Variants in CTNNA2 observed in about 807,000 individuals in gnomAD.
CTNNA2 encodes the protein catenin alpha 2.
A neutral mutation model predicts 101.0 loss-of-function variants in CTNNA2; 42 were observed. The observed-to-expected ratio is 0.42, with a 90% CI of 0.32 to 0.54. The LOEUF (loss-of-function observed/expected upper bound fraction) is 0.54, where lower values mean the gene tolerates loss of function less well. Ranked by LOEUF, CTNNA2 falls within the 20% of genes least tolerant of loss-of-function variation. The pLI, the probability that CTNNA2 is intolerant of heterozygous loss-of-function variation, is 0.14. For missense variants in CTNNA2, 871 were observed against 1,223.1 expected, an observed-to-expected ratio of 0.71 and a Z score of 4.29; for synonymous variants, 450 against 456.4, an observed-to-expected ratio of 0.99 and a Z score of 0.18.
At chr2:79,761,323 A>G (rs894632705) in intron 3 of CTNNA2, among the ~76,000 whole-genome samples, 4 of 152,188 alleles carry the variant, frequency 2.6e-5, no homozygotes, top group Non-Finnish European at 5.9e-5. Context: ...AACAGTTTTA[A>G]CAACCCAAGG....
chr2:79,734,437 G>A (rs1231171275), intron 2 of CTNNA2, among the ~76,000 whole-genome samples: 1 of 152,016 alleles, frequency 6.6e-6, no homozygotes, highest in Non-Finnish European at 1.5e-5. Flanking sequence ...GAAAAATTAA[G>A]TTCTATCAAA....
intron 1 of CTNNA2, among the ~76,000 whole-genome samples, chr2:79,525,291 A>T (rs1672342277): frequency 6.6e-6 from 1 of 151,940 alleles, no homozygotes; most frequent in Admixed American, 6.6e-5. Context: ...ACCTGAGAGG[A>T]AGCTTAACAT....
chr2:79,477,622 C>T (rs1440597876), intron 4 of CTNNA2, among the ~76,000 whole-genome samples: 3 of 152,174 alleles, frequency 2.0e-5, no homozygotes, highest in Non-Finnish European at 4.4e-5. Context: ...TTTTCTGTCT[C>T]ACAGCTCAAT....
intron 7 of CTNNA2, among the ~76,000 whole-genome samples, chr2:80,392,563 A>G (rs1677614165): frequency 6.6e-6 from 1 of 152,106 alleles, no homozygotes; most frequent in Non-Finnish European, 1.5e-5. Context: ...TGAACAATTT[A>G]TTAAAGAACA....
intron 7 of CTNNA2, among the ~76,000 whole-genome samples, chr2:79,989,008 A>G (rs74730514): frequency 0.02 from 3,084 of 152,272 alleles, 106 homozygotes; most frequent in African/African-American, 0.07. Context: ...TGTTTGGTTA[A>G]TGTCTGATGG....
At chr2:79,675,065 G>C (rs532065494) in intron 2 of CTNNA2, among the ~76,000 whole-genome samples, 4 of 152,256 alleles carry the variant, frequency 2.6e-5, no homozygotes, top group African/African-American at 9.6e-5. Context: ...ATCAGTGAAT[G>C]CTTTTTAGTT....
chr2:80,479,465 A>C (rs764583176), intron 9 of CTNNA2, among the ~76,000 whole-genome samples: 5 of 152,158 alleles, frequency 3.3e-5, no homozygotes, highest in Non-Finnish European at 7.4e-5. Context: ...GACAAACCCT[A>C]TGGGGAACAG....
chr2:80,333,647 T>TG (rs924866882), intron 7 of CTNNA2, among the ~76,000 whole-genome samples: 9 of 151,358 alleles, frequency 5.9e-5, no homozygotes, highest in Admixed American at 3.9e-4. Context: ...GGGGAGGTGG[T>TG]GGGGGGGATG....
intron 7 of CTNNA2, among the ~76,000 whole-genome samples, chr2:80,310,930 G>A (rs962488333): frequency 1.1e-4 from 16 of 145,534 alleles, no homozygotes; most frequent in Non-Finnish European, 1.2e-4. Context: ...CTGAGATCGC[G>A]CTACTGCACT....
At chr2:80,249,494 T>C (rs1407536538) in intron 7 of CTNNA2, among the ~76,000 whole-genome samples, 1 of 152,234 alleles carries the variant, frequency 6.6e-6, no homozygotes, top group East Asian at 1.9e-4. Flanking sequence ...TTATTGAGCA[T>C]GTACTTTGTG....
At chr2:79,598,456 C>A (rs1229646838) in intron 1 of CTNNA2, among the ~76,000 whole-genome samples, 1 of 152,246 alleles carries the variant, frequency 6.6e-6, no homozygotes, top group African/African-American at 2.4e-5. Flanking sequence ...TGTTGCTCCA[C>A]ATCCTCGCCA....
At chr2:80,394,505 T>G (rs760649366) in intron 8 of CTNNA2, among the ~76,000 whole-genome samples, 8 of 152,212 alleles carry the variant, frequency 5.3e-5, no homozygotes, top group Non-Finnish European at 1.0e-4. Flanking sequence ...CATTGTCCTT[T>G]TAGGTATTAG....
chr2:79,484,542 A>C (rs1671140146), intron 4 of CTNNA2, among the ~76,000 whole-genome samples: 1 of 152,166 alleles, frequency 6.6e-6, no homozygotes, highest in Admixed American at 6.5e-5. Context: ...TTCTGGTTTC[A>C]ACATGGTTGG....
intron 3 of CTNNA2, among the ~76,000 whole-genome samples, chr2:79,799,650 A>G (rs767420265): frequency 2.0e-5 from 3 of 152,132 alleles, no homozygotes; most frequent in Non-Finnish European, 4.4e-5. Flanking sequence ...GAGCAAAAAG[A>G]GCTATTACCG....
chr2:80,202,798 T>A (rs1707286708), intron 7 of CTNNA2, among the ~76,000 whole-genome samples: 1 of 151,802 alleles, frequency 6.6e-6, no homozygotes, highest in Non-Finnish European at 1.5e-5. Flanking sequence ...TTTTAAAGAC[T>A]TTTTAAAGCC....
intron 18 of CTNNA2, among the ~76,000 whole-genome samples, chr2:80,634,196 C>G (rs75173108): frequency 0.022 from 3,408 of 151,986 alleles, 87 homozygotes; most frequent in South Asian, 0.13. Context: ...GAACAAGAAA[C>G]ATAAAAATAT....
chr2:79,853,994 A>G (rs1680933312), intron 3 of CTNNA2, among the ~76,000 whole-genome samples: 2 of 151,988 alleles, frequency 1.3e-5, no homozygotes, highest in South Asian at 2.1e-4. Context: ...TGTGTTTATT[A>G]TTACTGGCAT....
At chr2:79,372,292 C>T (rs1677890415) in intron 3 of CTNNA2, among the ~76,000 whole-genome samples, 1 of 152,232 alleles carries the variant, frequency 6.6e-6, no homozygotes, top group South Asian at 2.1e-4. Context: ...ATTATTTTTC[C>T]TCCTTGATGT....
chr2:80,592,754 G>A (rs1696620865), intron 15 of CTNNA2, among the ~76,000 whole-genome samples: 1 of 152,080 alleles, frequency 6.6e-6, no homozygotes, highest in Non-Finnish European at 1.5e-5. Context: ...TAACATGTTA[G>A]AGGTATTGAG....
Sources: gnomAD v4.1 joint callset for allele counts (sites outside exome capture counted in the v4.1 genomes callset) on GRCh38, gnomAD v4.1.1 for gene constraint, MANE v1.5 for transcripts, NCBI Gene and HGNC (gene_info 2026-07-23, HGNC 2026-07-21) for gene names.